The following PTPRT variants were observed in gnomAD, a reference collection of about 807,000 sequenced individuals.
The protein encoded by PTPRT is receptor-type tyrosine-protein phosphatase T.
Under a neutral mutation model 176.8 loss-of-function variants are expected in PTPRT, and 56 were observed. That is an observed-to-expected ratio of 0.32 (90% CI 0.26 to 0.40). The LOEUF (loss-of-function observed/expected upper bound fraction) is 0.40. Among genes scored for constraint, PTPRT ranks in the 10% least tolerant of loss-of-function variants. PTPRT has a pLI of 1.00. For missense variants in PTPRT, 1,540 were observed against 1,908.2 expected (o/e 0.81, Z 3.60); for synonymous variants, 783 against 739.0 (o/e 1.06, Z -0.96).
intron 5 of PTPRT, among the ~76,000 whole-genome samples, chr20:42,761,571 T>C (rs1387848540): frequency 6.6e-6 from 1 of 152,246 alleles, no homozygotes; most frequent in African/African-American, 2.4e-5. Context: ...GGGATTCCAA[T>C]GTCTGATAAA....
intron 11 of PTPRT, 50 bp downstream of exon 11, chr20:42,350,578 G>T: frequency 7.1e-7 from 1 of 1,417,742 alleles, no homozygotes; most frequent in Non-Finnish European, 1.0e-6. Context: ...GGAGGCCCAT[G>T]TGGCACAGAG....
chr20:42,756,167 T>C (rs2076829291), intron 6 of PTPRT, among the ~76,000 whole-genome samples: 1 of 152,232 alleles, frequency 6.6e-6, no homozygotes, highest in Non-Finnish European at 1.5e-5. Flanking sequence ...ATTCTAACTT[T>C]AAATACAAAA....
At chr20:42,281,374 C>G (rs1411264696) in intron 13 of PTPRT, among the ~76,000 whole-genome samples, 1 of 152,128 alleles carries the variant, frequency 6.6e-6, no homozygotes, top group Non-Finnish European at 1.5e-5. Flanking sequence ...AGCCCTAGTG[C>G]TTCCGTTTTC....
chr20:43,076,690 C>G (rs1186299412), intron 1 of PTPRT, among the ~76,000 whole-genome samples: 1 of 152,208 alleles, frequency 6.6e-6, no homozygotes, highest in African/African-American at 2.4e-5. Flanking sequence ...TACCCACTGT[C>G]CTCTGGTCCT....
chr20:42,611,160 G>A (rs2073969674), intron 7 of PTPRT, among the ~76,000 whole-genome samples: 1 of 152,184 alleles, frequency 6.6e-6, no homozygotes, highest in Non-Finnish European at 1.5e-5. Flanking sequence ...GTGGATGTAT[G>A]TCTTCATTTA....
intron 9 of PTPRT, among the ~76,000 whole-genome samples, chr20:42,386,590 G>A (rs189120750): frequency 2.0e-5 from 3 of 152,218 alleles, no homozygotes; most frequent in Non-Finnish European, 2.9e-5. Context: ...CCTTCATAAC[G>A]ATCCTGCAAA....
At chr20:42,906,864 T>C (rs2079485374) in intron 1 of PTPRT, among the ~76,000 whole-genome samples, 1 of 151,002 alleles carries the variant, frequency 6.6e-6, no homozygotes, top group African/African-American at 2.4e-5. Context: ...TGTTCTAATC[T>C]GGAAAAAAAA....
the PTPRT span, among the ~76,000 whole-genome samples, chr20:42,039,692 G>GTATATATA: frequency 2.1e-4 from 24 of 113,282 alleles, 4 homozygotes; most frequent in Non-Finnish European, 3.8e-4. Context: ...ATTCTGTTGT[G>GTATATATA]TATATATATA....
chr20:43,102,284 T>TCACACACACACACACACCCACACACA (rs1387125493), intron 1 of PTPRT, among the ~76,000 whole-genome samples: 1 of 140,452 alleles, frequency 7.1e-6, no homozygotes, highest in African/African-American at 2.7e-5. Context: ...CACTCACACA[T>TCACACACACACACACACCCACACACA]CACACACACA....
chr20:42,768,656 A>T (rs574548813), intron 5 of PTPRT, among the ~76,000 whole-genome samples: 1 of 152,292 alleles, frequency 6.6e-6, no homozygotes, highest in South Asian at 2.1e-4. Flanking sequence ...TTTTCGCATT[A>T]TTACCAGCTC....
intron 18 of PTPRT, among the ~76,000 whole-genome samples, chr20:42,139,248 A>G (rs577164503): frequency 1.3e-5 from 2 of 152,316 alleles, no homozygotes; most frequent in South Asian, 4.1e-4. Flanking sequence ...CTCTTGCAGA[A>G]TGATTGACTC....
At chr20:43,023,840 A>C (rs767204841) in intron 1 of PTPRT, among the ~76,000 whole-genome samples, 3 of 152,070 alleles carry the variant, frequency 2.0e-5, no homozygotes, top group Admixed American at 2.0e-4. Context: ...TTTACCCCAG[A>C]TGTCTCATCA....
intron 2 of PTPRT, among the ~76,000 whole-genome samples, chr20:42,882,888 A>T (rs1422749972): frequency 6.6e-6 from 1 of 152,250 alleles, no homozygotes; most frequent in African/African-American, 2.4e-5. Context: ...AGGACGCACA[A>T]GACAGTAGGT....
At chr20:42,901,236 G>A (rs956628249) in intron 1 of PTPRT, among the ~76,000 whole-genome samples, 9 of 151,928 alleles carry the variant, frequency 5.9e-5, no homozygotes, top group African/African-American at 1.5e-4. Context: ...TGACTCCACC[G>A]GACTTCATCA....
intron 1 of PTPRT, among the ~76,000 whole-genome samples, chr20:43,016,166 G>T (rs1028089523): frequency 9.9e-5 from 15 of 152,142 alleles, no homozygotes; most frequent in Non-Finnish European, 1.6e-4. Context: ...GGGACAGGGG[G>T]TATGGAGCAA....
intron 1 of PTPRT, among the ~76,000 whole-genome samples, chr20:43,047,501 G>T (rs900071316): frequency 6.6e-6 from 1 of 152,034 alleles, no homozygotes; most frequent in Non-Finnish European, 1.5e-5. Flanking sequence ...TTCACTCTTG[G>T]GGGGCAGGAA....
intron 9 of PTPRT, among the ~76,000 whole-genome samples, chr20:42,433,032 C>T (rs1373495587): frequency 6.6e-6 from 1 of 152,182 alleles, no homozygotes; most frequent in Non-Finnish European, 1.5e-5. Flanking sequence ...ACTTTTGACT[C>T]ACCATGTTGA....
At chr20:43,160,668 T>C (rs6030674) in intron 1 of PTPRT, among the ~76,000 whole-genome samples, 1 of 151,492 alleles carries the variant, frequency 6.6e-6, no homozygotes, top group African/African-American at 2.4e-5. Context: ...TGAAAGAATA[T>C]TTTTTTTTTA....
chr20:42,276,542 TATATA>T (rs1568731802), intron 13 of PTPRT, among the ~76,000 whole-genome samples: 28 of 56,810 alleles, frequency 4.9e-4, no homozygotes, highest in East Asian at 3.0e-3. Flanking sequence ...TATATATATA[TATATA>T]TATATATATA....
Sources: gnomAD v4.1 joint callset for allele counts (sites outside exome capture counted in the v4.1 genomes callset) on GRCh38, gnomAD v4.1.1 for gene constraint, MANE v1.5 for transcripts, NCBI Gene and HGNC (gene_info 2026-07-23, HGNC 2026-07-21) for gene names.